Variants in CAPN9 observed in about 807,000 individuals in gnomAD.
CAPN9 encodes the protein calpain 9, also known as calpain-9.
Under a neutral mutation model 92.8 loss-of-function variants are expected in CAPN9, and 81 were observed. The observed-to-expected ratio is 0.87, with a 90% confidence interval of 0.73 to 1.05. CAPN9 has a LOEUF of 1.05. Ranked by LOEUF, CAPN9 falls within the 50% of genes least tolerant of loss-of-function variation. CAPN9 has a pLI of 0.00. For synonymous variants in CAPN9, 304 were observed against 328.0 expected, an observed-to-expected ratio of 0.93 and a Z score of 0.79; for missense variants, 848 against 866.2, an observed-to-expected ratio of 0.98 and a Z score of 0.26.
intron 1 of CAPN9, among the ~76,000 whole-genome samples, chr1:230,748,898 G>C (rs1664593863): frequency 6.6e-6 from 1 of 152,310 alleles, no homozygotes; most frequent in African/African-American, 2.4e-5. Context: ...TGTTTCCGAA[G>C]TGGTAAGGGT....
intron 3 of CAPN9, among the ~76,000 whole-genome samples, chr1:230,760,865 A>G (rs1183117355): frequency 7.3e-6 from 1 of 137,660 alleles, no homozygotes; most frequent in Non-Finnish European, 1.6e-5. Flanking sequence ...CTAAACCAGA[A>G]CCAGAACCAG....
intron 3 of CAPN9, among the ~76,000 whole-genome samples, chr1:230,759,843 A>C (rs1028346518): frequency 6.6e-6 from 1 of 152,236 alleles, no homozygotes; most frequent in African/African-American, 2.4e-5. Flanking sequence ...ATCCTTATGG[A>C]GCATACATTT....
intron 6 of CAPN9, 84 bp from the exon 7 acceptor site, chr1:230,771,930 G>A: frequency 9.2e-7 from 1 of 1,091,076 alleles, no homozygotes; most frequent in Non-Finnish European, 1.4e-6. Context: ...GATGGAGCTG[G>A]TCCACCTGGA....
intron 4 of CAPN9, 132 bp from the exon 5 acceptor site, chr1:230,767,409 C>T (rs918541629): frequency 1.3e-5 from 9 of 697,376 alleles, no homozygotes; most frequent in Non-Finnish European, 2.1e-5. Flanking sequence ...TCCCGTCTTC[C>T]TTCCACACCA....
At chr1:230,752,458 C>A (rs1251655354) in intron 1 of CAPN9, among the ~76,000 whole-genome samples, 2 of 152,178 alleles carry the variant, frequency 1.3e-5, no homozygotes, top group Non-Finnish European at 2.9e-5. Flanking sequence ...TCATTGGGTG[C>A]GATCTGGTTT....
intron 8 of CAPN9, 50 bp from the exon 9 acceptor site, chr1:230,778,923 T>G: frequency 6.7e-7 from 1 of 1,497,490 alleles, no homozygotes; most frequent in Non-Finnish European, 9.2e-7. Context: ...GAATGGATGA[T>G]GCCCTCACTC....
At chr1:230,751,725 T>C (rs1664853578) in intron 1 of CAPN9, among the ~76,000 whole-genome samples, 1 of 151,604 alleles carries the variant, frequency 6.6e-6, no homozygotes, top group Non-Finnish European at 1.5e-5. Context: ...CTGTGCTTAG[T>C]AGAGGAAAGT....
At chr1:230,782,398 T>C (rs981527603) in intron 11 of CAPN9, among the ~76,000 whole-genome samples, 1 of 152,186 alleles carries the variant, frequency 6.6e-6, no homozygotes, top group African/African-American at 2.4e-5. Flanking sequence ...CTACCCCCAA[T>C]TGATGTTAAT....
rs1227555669 is a variant in CAPN9 at position 230,780,518 on chromosome 1, C to T, written c.1291C>T (p.His431Tyr). ...AIYECPDKDE[H>Y]LNKDFFRYHA... is the part of the protein sequence containing the mutation. ...ATTGCAGTGCCCTGACAAAGACGAACACCTGAACAAAGACTTCTTCAGATA... is the reference window on the plus strand; with the variant it reads ...ATTGCAGTGCCCTGACAAAGACGAATACCTGAACAAAGACTTCTTCAGATA... The change falls in exon 11 of 20, where the codon CAC becomes TAC. Residue 431 changes from histidine to tyrosine, a missense_variant. His to Tyr is a moderately conservative substitution (Grantham distance 83, BLOSUM62 2). Coordinates refer to ENST00000271971, the MANE Select transcript of CAPN9 (RefSeq NM_006615.3). The T allele has an allele frequency of 3.1e-6, 5 of 1,613,962 alleles. No individual in the cohort carries two copies. Among genetic ancestry groups the T allele is most frequent in the Non-Finnish European group, 4.2e-6 (5 of 1,179,996 alleles).
Position 230,798,158 on chromosome 1 carries a change from T to A in CAPN9, c.1988-4T>A, listed in dbSNP as rs771726230. ...GGATGCCTTTCCCCCTTCTCTCCTA[T>A]CAGGGGTGTTCCAGGCTCTCAGTAC... On this transcript the variant is annotated splice_polypyrimidine_tract_variant and splice_region_variant and intron_variant, in intron 18 of 19. Coordinates refer to ENST00000271971, the MANE Select transcript of CAPN9 (RefSeq NM_006615.3). 1 of 1,600,676 alleles carries A rather than the reference T, an allele frequency of 6.2e-7. No individual in the cohort carries two copies. Among genetic ancestry groups the A allele is most frequent in the South Asian group, 1.1e-5 (1 of 90,830 alleles).
intron 18 of CAPN9, among the ~76,000 whole-genome samples, chr1:230,797,217 T>C (rs1410916888): frequency 6.6e-6 from 1 of 152,122 alleles, no homozygotes; most frequent in East Asian, 1.9e-4. Flanking sequence ...ACCTCAACAA[T>C]TACCATCTTG....
intron 4 of CAPN9, among the ~76,000 whole-genome samples, chr1:230,765,608 G>A (rs537283060): frequency 1.4e-4 from 21 of 152,140 alleles, no homozygotes; most frequent in African/African-American, 3.1e-4. Context: ...GCAGTAAGCC[G>A]AGATCATGCC....
Position 230,801,431 on chromosome 1 carries a change from A to G in CAPN9, c.2047-139A>G, listed in dbSNP as rs1039292965. On this transcript the variant is annotated intron_variant, in intron 19 of 19. Coordinates refer to ENST00000271971, the MANE Select transcript of CAPN9 (RefSeq NM_006615.3). ...TTTCTTTAAATGGTTTCCTGCTGAG[A>G]CAGACATCCAAGTTGGCAGGCAAAA... The G allele has an allele frequency of 1.1e-5, 9 of 808,754 alleles. No individual in the cohort carries two copies. The African/African-American group carries it at 1.2e-4, about 11-fold the overall frequency. 50.1% of individuals were successfully genotyped at this position (808,754 alleles called of 1,614,324 possible).
chr1:230,762,855 C>A (rs1223090646), intron 4 of CAPN9, 69 bp downstream of exon 4: 7 of 1,468,350 alleles, frequency 4.8e-6, no homozygotes, highest in African/African-American at 4.3e-5. Flanking sequence ...TTGTAGTGAG[C>A]ATCTAAGGGC....
In CAPN9 at chr1:230,783,394, G is replaced by A. The variant is rs375691190; in HGVS notation, c.1482-2587G>A. ...ATTGTAATCCCCAATGTTGGAGGTG[G>A]AGCCTGGTGGGAGATGTTTGGGTCA... On this transcript the variant is annotated intron_variant, in intron 11 of 19. Transcript: ENST00000271971. 2.0e-5 allele frequency among the ~76,000 whole-genome samples: 3 copies of A among 152,326 alleles called. No individual in the cohort carries two copies. In the East Asian group the frequency reaches 5.8e-4, roughly 29 times the overall value.
chr1:230,796,231 A>C (rs2102939698), intron 18 of CAPN9, among the ~76,000 whole-genome samples: 1 of 151,910 alleles, frequency 6.6e-6, no homozygotes, highest in East Asian at 1.9e-4. Context: ...AGGCTGAGGC[A>C]GGAGAACCCC....
rs1558112646 is a variant in CAPN9 at position 230,787,511 on chromosome 1, CT to C, written c.1519-10del. On this transcript the variant is annotated splice_polypyrimidine_tract_variant and intron_variant, in intron 12 of 19. Coordinates refer to ENST00000271971, the MANE Select transcript of CAPN9 (RefSeq NM_006615.3). ...GATCATTTTGTGCAAGTTTCTTTGG[CT>C]GTTTTTTAGCCTCCAAAGCCAACTC... The C allele has an allele frequency of 1.9e-6, 3 of 1,610,674 alleles. No homozygotes were observed. The highest frequency in any genetic ancestry group is 1.3e-5 in the African/African-American group (1 of 74,942).
intron 11 of CAPN9, among the ~76,000 whole-genome samples, chr1:230,783,728 A>T (rs1456469938): frequency 6.6e-6 from 1 of 152,248 alleles, no homozygotes; most frequent in African/African-American, 2.4e-5. Context: ...TTGGTACAGA[A>T]GAGTGGGGCA....
intron 11 of CAPN9, among the ~76,000 whole-genome samples, chr1:230,783,431 C>T (rs1270744423): frequency 6.6e-6 from 1 of 152,122 alleles, no homozygotes; most frequent in Non-Finnish European, 1.5e-5. Context: ...GGGTGTGGAT[C>T]CCTCATGGCT....
Sources: gnomAD v4.1 joint callset for allele counts (sites outside exome capture counted in the v4.1 genomes callset) on GRCh38, gnomAD v4.1.1 for gene constraint, MANE v1.5 for transcripts, NCBI Gene and HGNC (gene_info 2026-07-23, HGNC 2026-07-21) for gene names.